REPS2: variants seen among roughly 807,000 people sequenced by gnomAD.
The protein encoded by REPS2 is RALBP1 associated Eps domain containing 2.
In REPS2, 23 loss-of-function variants were observed where a neutral mutation model predicts 53.6. That is an observed-to-expected ratio of 0.43 (90% confidence interval 0.31 to 0.61). The LOEUF (loss-of-function observed/expected upper bound fraction) is 0.61. REPS2 is among the 20% of genes least tolerant of loss of function. The probability of loss-of-function intolerance (pLI) is 0.11; values close to 1 mark genes in which losing one functional copy is unlikely to be tolerated. For synonymous variants in REPS2, 238 were observed against 218.6 expected (o/e 1.09, Z -0.78); for missense variants, 446 against 534.9 (o/e 0.83, Z 1.64).
intron 8 of REPS2, among the ~76,000 whole-genome samples, chrX:17,057,800 C>T (rs1435694555): frequency 1.8e-5 from 2 of 112,932 alleles, no homozygotes; most frequent in Non-Finnish European, 3.7e-5. Context: ...GCTATCTTGA[C>T]GCCTACATGG....
chrX:17,131,931 G>A (rs2063297530), intron 14 of REPS2, among the ~76,000 whole-genome samples: 1 of 101,699 alleles, frequency 9.8e-6, no homozygotes, highest in African/African-American at 3.7e-5. Flanking sequence ...CCCAAACTGT[G>A]TCCAGGTTTA....
At chrX:17,025,645 C>T (rs1308871079) in intron 4 of REPS2, among the ~76,000 whole-genome samples, 1 of 112,134 alleles carries the variant, frequency 8.9e-6, no homozygotes, top group Admixed American at 9.5e-5. Flanking sequence ...TATATAGGTC[C>T]TGTGCTTTGG....
chrX:16,968,413 G>T (rs1443989753), intron 1 of REPS2, among the ~76,000 whole-genome samples: 15 of 112,611 alleles, frequency 1.3e-4, no homozygotes, highest in Non-Finnish European at 1.7e-4. Flanking sequence ...TCCCAGTAGG[G>T]GCGGCCGGGC....
Position 17,108,486 on chromosome X carries a change from C to T in REPS2, c.1578+4707C>T, listed in dbSNP as rs145537401. On this transcript the variant is annotated intron_variant, in intron 14 of 17. Transcript: ENST00000357277. ...CGTGCCCGGCGAGTTTGTGTTTATT[C>T]TGTAGGTCAGTTCTCTGCCAAGGGA... 7.9e-3 allele frequency among the ~76,000 whole-genome samples: 885 copies of T among 111,491 alleles called. 12 individuals are homozygous for T. Among genetic ancestry groups the T allele is most frequent in the African/African-American group, 0.028 (857 of 30,675 alleles).
chrX:17,039,959 A>G (rs760405279), intron 5 of REPS2, among the ~76,000 whole-genome samples: 2 of 112,850 alleles, frequency 1.8e-5, no homozygotes, highest in African/African-American at 3.2e-5. Context: ...AGCTTATTGT[A>G]ATAAGCAGCA....
intron 1 of REPS2, among the ~76,000 whole-genome samples, chrX:16,967,810 G>A (rs951062779): frequency 9.3e-6 from 1 of 108,015 alleles, no homozygotes; most frequent in Non-Finnish European, 1.9e-5. Context: ...TCAAATATAC[G>A]TGATTTCAGC....
the REPS2 span, among the ~76,000 whole-genome samples, chrX:17,188,381 C>A: frequency 8.9e-6 from 1 of 111,980 alleles, no homozygotes; most frequent in African/African-American, 3.2e-5. Context: ...TGAGCAAATC[C>A]CTTATTTTCA....
At chrX:17,193,642 C>T in the REPS2 span, among the ~76,000 whole-genome samples, 1 of 111,492 alleles carries the variant, frequency 9.0e-6, no homozygotes, top group African/African-American at 3.3e-5. Flanking sequence ...AGATGGGCTG[C>T]TTGGAAGCTT....
At chrX:16,955,968 G>A (rs2060587500) in intron 1 of REPS2, among the ~76,000 whole-genome samples, 1 of 112,303 alleles carries the variant, frequency 8.9e-6, no homozygotes. Flanking sequence ...ATTTTCATGC[G>A]TAATTCATCC....
At chrX:17,078,817 G>A (rs2062415477) in intron 13 of REPS2, among the ~76,000 whole-genome samples, 1 of 112,160 alleles carries the variant, frequency 8.9e-6, no homozygotes, top group African/African-American at 3.2e-5. Context: ...TAGTGGAAGA[G>A]ACAAAACTGG....
intron 13 of REPS2, among the ~76,000 whole-genome samples, chrX:17,078,503 A>C (rs770067599): frequency 8.9e-6 from 1 of 112,045 alleles, no homozygotes; most frequent in South Asian, 3.7e-4. Flanking sequence ...TTTGCCTTGA[A>C]TTTCCTCTCA....
At chrX:17,187,441 C>T in the REPS2 span, among the ~76,000 whole-genome samples, 8 of 111,838 alleles carry the variant, frequency 7.2e-5, no homozygotes, top group East Asian at 5.6e-4. Context: ...GGAATGTGCC[C>T]GGAATGCAGC....
chrX:16,968,727 C>T (rs1275201016), intron 1 of REPS2, among the ~76,000 whole-genome samples: 109 of 79,089 alleles, frequency 1.4e-3, no homozygotes, highest in Non-Finnish European at 1.8e-3. Flanking sequence ...CCGGACGGGG[C>T]GGCCGGCCGG....
intron 6 of REPS2, among the ~76,000 whole-genome samples, chrX:17,049,556 A>C (rs1290514360): frequency 1.3e-4 from 15 of 112,312 alleles, no homozygotes; most frequent in African/African-American, 4.8e-4. Context: ...TAAAGATATA[A>C]AGAAAGAAAA....
chrX:17,113,201 G>T (rs2063000027), intron 14 of REPS2, among the ~76,000 whole-genome samples: 2 of 95,081 alleles, frequency 2.1e-5, no homozygotes, highest in African/African-American at 7.8e-5. Context: ...ACAAAATAGA[G>T]AACAGAAAAA....
At chrX:17,195,020 A>T in the REPS2 span, among the ~76,000 whole-genome samples, 1 of 112,470 alleles carries the variant, frequency 8.9e-6, no homozygotes, top group Non-Finnish European at 1.9e-5. Flanking sequence ...TGCCTTATTA[A>T]ATCTATTTTT....
intron 16 of REPS2, chrX:17,135,894 G>A: frequency 8.8e-6 from 1 of 114,048 alleles, no homozygotes; most frequent in Middle Eastern, 4.4e-3. Flanking sequence ...AGCACAGAAT[G>A]GATACATGCA....
intron 1 of REPS2, among the ~76,000 whole-genome samples, chrX:16,987,441 A>G (rs1420181917): frequency 8.9e-6 from 1 of 112,322 alleles, no homozygotes; most frequent in Non-Finnish European, 1.9e-5. Context: ...GTTTACCTGT[A>G]TCTTTCTCAT....
the REPS2 span, among the ~76,000 whole-genome samples, chrX:17,161,306 C>T: frequency 6.3e-5 from 7 of 111,488 alleles, no homozygotes; most frequent in African/African-American, 2.3e-4. Flanking sequence ...AATCAGTTGA[C>T]CTTAAAATAG....
Sources: gnomAD v4.1 joint callset for allele counts (sites outside exome capture counted in the v4.1 genomes callset) on GRCh38, gnomAD v4.1.1 for gene constraint, MANE v1.5 for transcripts, NCBI Gene and HGNC (gene_info 2026-07-23, HGNC 2026-07-21) for gene names.